DNAJC16: variants seen among roughly 807,000 people sequenced by gnomAD.
DNAJC16 encodes dnaJ homolog subfamily C member 16.
DNAJC16 carries 76 observed loss-of-function variants against 92.7 expected under a neutral mutation model. The ratio of observed to expected loss-of-function variants is 0.82; its 90% CI spans 0.68 to 0.99. The LOEUF (loss-of-function observed/expected upper bound fraction) is 0.99. Among genes scored for constraint, DNAJC16 ranks in the 50% least tolerant of loss-of-function variants. The pLI is 0.00. For missense variants in DNAJC16, 869 were observed against 942.4 expected (o/e 0.92, Z 1.02); for synonymous variants, 328 against 358.7 (o/e 0.91, Z 0.97).
At chr1:15,564,143 C>G (rs1370436704) in intron 10 of DNAJC16, 32 bp downstream of exon 10, 1 of 1,612,018 alleles carries the variant, frequency 6.2e-7, no homozygotes, top group South Asian at 1.1e-5. Context: ...GGTGGGACAC[C>G]AGGAGGGCTT....
chr1:15,564,623 G>T (rs1359446333), intron 11 of DNAJC16, among the ~76,000 whole-genome samples: 8 of 150,836 alleles, frequency 5.3e-5, no homozygotes, highest in Non-Finnish European at 1.2e-4. Flanking sequence ...CCGCCTCCCA[G>T]GTTCAAGCAA....
At chr1:15,545,613 G>A (rs751517940) in intron 5 of DNAJC16, among the ~76,000 whole-genome samples, 2 of 152,160 alleles carry the variant, frequency 1.3e-5, no homozygotes, top group African/African-American at 4.8e-5. Context: ...CTGGAGACAT[G>A]AAATAGCCCG....
At chr1:15,541,248 C>A (rs185965754) in intron 4 of DNAJC16, among the ~76,000 whole-genome samples, 3 of 152,194 alleles carry the variant, frequency 2.0e-5, no homozygotes, top group Non-Finnish European at 4.4e-5. Context: ...CCAAATCTCC[C>A]AATGTATGTG....
chr1:15,563,960 G>C lies in DNAJC16; in HGVS notation c.1370G>C (p.Gly457Ala). The C allele has an allele frequency of 3.1e-6, 5 of 1,614,158 alleles. No individual in the cohort carries two copies. The highest frequency in any genetic ancestry group is 4.2e-6 in the Non-Finnish European group (5 of 1,180,026). The change falls in exon 10 of 15, where the codon GGA becomes GCA. Residue 457 changes from glycine to alanine, a missense_variant. By Grantham distance (60) the Gly-to-Ala change is moderately conservative (BLOSUM62 0). Coordinates refer to ENST00000375847, the MANE Select transcript of DNAJC16 (RefSeq NM_015291.4). ...ATTTTAGAAAGGCGCAACACAGCAGGAAGGGTGGTGTATAAAACCCTGGAA... is the reference window on the plus strand; with the variant it reads ...ATTTTAGAAAGGCGCAACACAGCAGCAAGGGTGGTGTATAAAACCCTGGAA... ...VSILERRNTA[G>A]RVVYKTLEDP...
chr1:15,561,436 G>A (rs970831758), intron 8 of DNAJC16, among the ~76,000 whole-genome samples: 2 of 152,148 alleles, frequency 1.3e-5, no homozygotes, highest in Non-Finnish European at 2.9e-5. Flanking sequence ...TATAATCCCA[G>A]CACTTTGGGG....
chr1:15,559,129 G>A (rs531299952), intron 7 of DNAJC16, among the ~76,000 whole-genome samples: 10 of 152,144 alleles, frequency 6.6e-5, no homozygotes, highest in East Asian at 1.9e-4. Context: ...TAGCAGAGAC[G>A]GGGTTTCACT....
intron 3 of DNAJC16, among the ~76,000 whole-genome samples, chr1:15,535,448 A>G (rs1247455892): frequency 6.6e-6 from 1 of 152,226 alleles, no homozygotes; most frequent in Non-Finnish European, 1.5e-5. Flanking sequence ...GAATGACTGC[A>G]TTTAGAATAT....
At chr1:15,562,108 AT>A (rs779487304) in intron 8 of DNAJC16, 33 bp from the exon 9 acceptor site, 1 of 1,592,064 alleles carries the variant, frequency 6.3e-7, no homozygotes, top group Admixed American at 1.7e-5. Flanking sequence ...GCCATCAGGG[AT>A]TGGTTATAAA....
intron 9 of DNAJC16, among the ~76,000 whole-genome samples, chr1:15,562,958 A>C (rs1638723322): frequency 6.7e-6 from 1 of 149,240 alleles, no homozygotes; most frequent in African/African-American, 2.5e-5. Context: ...TAGATTTTAC[A>C]AATCCTTAGG....
In DNAJC16 at chr1:15,536,478, C is replaced by A. The variant is rs547950256; in HGVS notation, c.238C>A (p.Leu80Ile). The change falls in exon 4 of 15, where the codon CTT (leucine) becomes ATT (isoleucine). Residue 80 changes from leucine (L) to isoleucine (I), a missense_variant. By Grantham distance (5) the Leu-to-Ile change is conservative (BLOSUM62 2). Coordinates refer to ENST00000375847, the MANE Select transcript of DNAJC16 (RefSeq NM_015291.4). The stretch of plus-strand genomic sequence containing the variant: ...AGATTTTTTTCTTCCTTTATAGATT[C>A]TTTCAAATGAAGAAAAGAGATCAAA... Reference protein sequence around the residue: ...FIQISKAYEILSNEEKRSNYD... With the variant: ...FIQISKAYEIISNEEKRSNYD... The A allele has an allele frequency of 1.3e-6, 2 of 1,572,664 alleles. No individual in the cohort carries two copies. Among genetic ancestry groups the A allele is most frequent in the Admixed American group, 2.0e-5 (1 of 49,970 alleles).
At chr1:15,552,350 G>A (rs540253999) in intron 7 of DNAJC16, among the ~76,000 whole-genome samples, 38 of 152,000 alleles carry the variant, frequency 2.5e-4, no homozygotes, top group African/African-American at 7.0e-4. Flanking sequence ...ATTAGCTGGC[G>A]TGGTGGCATG....
chr1:15,536,911 T>G, intron 4 of DNAJC16, 97 bp downstream of exon 4: 3 of 1,115,294 alleles, frequency 2.7e-6, no homozygotes, highest in African/African-American at 3.2e-5. Context: ...AGTACAGTGG[T>G]GTGATCTCGG....
Position 15,550,994 on chromosome 1 carries a change from C to T in DNAJC16, c.1023+2566C>T, listed in dbSNP as rs143764255. Among the ~76,000 whole-genome samples, 913 of 152,298 alleles carry T rather than the reference C, an allele frequency of 6.0e-3. 6 individuals are homozygous for T. The highest frequency in any genetic ancestry group is 0.034 in the Middle Eastern group (10 of 294). On this transcript the variant is annotated intron_variant, in intron 7 of 14. Coordinates refer to ENST00000375847, the MANE Select transcript of DNAJC16 (RefSeq NM_015291.4). ...AGGCAATTCTTCTGCCTCAGCCTCCCGAGTTGCTGGGATTACAGGCACCTG... is the reference window on the plus strand; with the variant it reads ...AGGCAATTCTTCTGCCTCAGCCTCCTGAGTTGCTGGGATTACAGGCACCTG...
intron 2 of DNAJC16, among the ~76,000 whole-genome samples, chr1:15,529,729 CA>C (rs972367640): frequency 2.6e-4 from 38 of 146,412 alleles, no homozygotes; most frequent in Admixed American, 5.4e-4. Flanking sequence ...CTTTTGCCTC[CA>C]AAAAAAAAAA....
intron 8 of DNAJC16, 148 bp from the exon 9 acceptor site, chr1:15,561,990 TCCTC>T (rs1474044989): frequency 3.2e-6 from 2 of 634,608 alleles, no homozygotes; most frequent in African/African-American, 3.7e-5. Context: ...GACTTGGAAA[TCCTC>T]CCTTAGTTGA....
At chr1:15,565,236 C>T (rs1638781468) in intron 11 of DNAJC16, 1 of 152,560 alleles carries the variant, frequency 6.6e-6, no homozygotes, top group Non-Finnish European at 1.5e-5. Flanking sequence ...ACTGTCTCTT[C>T]ATCAGGGAAC....
chr1:15,536,062 CTTTTCTTTTCTTT>C (rs1710772922), intron 3 of DNAJC16, among the ~76,000 whole-genome samples: 1 of 91,764 alleles, frequency 1.1e-5, no homozygotes. Context: ...CTTTTCTTTT[CTTTTCTTTTCTTT>C]TTTTTTTTTT....
chr1:15,531,002 A>G (rs557772399), intron 2 of DNAJC16, among the ~76,000 whole-genome samples: 65 of 152,200 alleles, frequency 4.3e-4, no homozygotes, highest in Non-Finnish European at 7.8e-4. Context: ...TCTCTGTTTT[A>G]TAGATGAGAA....
At chr1:15,563,861 A>AAGC in intron 9 of DNAJC16, 68 bp from the exon 10 acceptor site, 1 of 1,410,318 alleles carries the variant, frequency 7.1e-7, no homozygotes, top group African/African-American at 2.7e-5. Flanking sequence ...AAAAAAAAAA[A>AAGC]AAGCAAACAA....
Sources: gnomAD v4.1 joint callset for allele counts (sites outside exome capture counted in the v4.1 genomes callset) on GRCh38, gnomAD v4.1.1 for gene constraint, MANE v1.5 for transcripts, NCBI Gene and HGNC (gene_info 2026-07-23, HGNC 2026-07-21) for gene names.